Variants in MGAT4C observed in about 807,000 individuals in gnomAD.
The protein encoded by MGAT4C is MGAT4 family member C.
In MGAT4C, 19 loss-of-function variants were observed where a neutral mutation model predicts 40.1. The observed-to-expected ratio is 0.47, with a 90% CI of 0.33 to 0.70. The LOEUF is 0.70. MGAT4C is among the 30% of genes least tolerant of loss of function. MGAT4C has a pLI of 0.02. For synonymous variants in MGAT4C, 181 were observed against 187.1 expected (o/e 0.97, Z 0.27); for missense variants, 491 against 563.2 (o/e 0.87, Z 1.30).
At chr12:86,425,859 CTGAT>C (rs1362231003) in intron 3 of MGAT4C, among the ~76,000 whole-genome samples, 3 of 152,060 alleles carry the variant, frequency 2.0e-5, no homozygotes, top group African/African-American at 7.2e-5. Context: ...AAGACTCATT[CTGAT>C]TATTTCTTCT....
chr12:86,778,150 C>A (rs11104083), intron 1 of MGAT4C, among the ~76,000 whole-genome samples: 1 of 151,974 alleles, frequency 6.6e-6, no homozygotes, highest in Non-Finnish European at 1.5e-5. Context: ...ATAATACTCT[C>A]GTAAGCAAGA....
rs1372573403 is a variant in MGAT4C, at chr12:85,963,778, G to A, written c.*15511C>T. 3 of 151,748 alleles carry A rather than the reference G, an allele frequency of 2.0e-5. No individual in the cohort carries two copies. Among genetic ancestry groups the A allele is most frequent in the African/African-American group, 7.3e-5 (3 of 41,316 alleles). 9.4% of individuals were successfully genotyped at this position (151,748 alleles called of 1,614,324 possible). ...TAAATGGGGTGGGTGATGGGAGAGA[G>A]AAAACAAAATAATTATTTATGTTAA... On this transcript the variant is annotated 3_prime_UTR_variant, in exon 5 of 5. Transcript: ENST00000611864.
intron 2 of MGAT4C, among the ~76,000 whole-genome samples, chr12:86,044,523 C>T (rs1158595907): frequency 2.6e-5 from 4 of 152,054 alleles, no homozygotes; most frequent in Non-Finnish European, 4.4e-5. Flanking sequence ...AAGGTCCACT[C>T]GCATGTGTGC....
intron 1 of MGAT4C, among the ~76,000 whole-genome samples, chr12:86,123,255 G>T (rs1879722973): frequency 6.6e-6 from 1 of 152,122 alleles, no homozygotes; most frequent in Non-Finnish European, 1.5e-5. Flanking sequence ...AGTCAGAGAT[G>T]ATTGCAGTGT....
rs1386852195 is a variant in MGAT4C at position 86,764,569 on chromosome 12, G to T, written c.-261-37328C>A. Reference sequence around the variant, plus strand: ...AACGGGCAGACTGCCTCCTCAAGTGGGTCCCTGACCCCTGACCCCTGAGCA... The same window carrying T: ...AACGGGCAGACTGCCTCCTCAAGTGTGTCCCTGACCCCTGACCCCTGAGCA... On this transcript the variant is annotated intron_variant, in intron 1 of 7. Coordinates refer to the MGAT4C transcript ENST00000548651. Among the ~76,000 whole-genome samples the T allele has an allele frequency of 1.4e-4, 9 of 66,358 alleles. No homozygotes were observed. In the East Asian group the frequency reaches 3.6e-3, roughly 27 times the overall value. 43.5% of individuals were successfully genotyped at this position (66,358 alleles called of 152,430 possible).
chr12:86,120,216 T>TTTTA (rs3076055), intron 1 of MGAT4C, among the ~76,000 whole-genome samples: 132,258 of 150,420 alleles, frequency 0.88, 58,293 homozygotes, highest in East Asian at 1. Context: ...ATTTTATTAT[T>TTTTA]TTTATTTTAT....
chr12:86,099,769 T>A (rs1429060601), intron 1 of MGAT4C, among the ~76,000 whole-genome samples: 1 of 151,454 alleles, frequency 6.6e-6, no homozygotes. Flanking sequence ...AATCTGAAAA[T>A]TGTAGTTTCT....
At chr12:86,184,857 A>T (rs1888571404) in intron 1 of MGAT4C, among the ~76,000 whole-genome samples, 1 of 152,094 alleles carries the variant, frequency 6.6e-6, no homozygotes, top group African/African-American at 2.4e-5. Context: ...AAGTATATAT[A>T]ATCAAGCTGA....
intron 3 of MGAT4C, among the ~76,000 whole-genome samples, chr12:86,391,006 G>A (rs944534177): frequency 2.0e-5 from 3 of 152,046 alleles, no homozygotes; most frequent in South Asian, 2.1e-4. Context: ...GGACTTAAAG[G>A]GTTACAGAAT....
intron 2 of MGAT4C, among the ~76,000 whole-genome samples, chr12:86,617,652 C>A (rs2136484103): frequency 6.6e-6 from 1 of 151,138 alleles, no homozygotes; most frequent in East Asian, 2.0e-4. Context: ...CCTGCCGCTG[C>A]ACTCCAGCCT....
intron 2 of MGAT4C, among the ~76,000 whole-genome samples, chr12:86,009,909 G>A (rs367943160): frequency 6.6e-5 from 10 of 152,180 alleles, no homozygotes; most frequent in African/African-American, 2.2e-4. Flanking sequence ...TAGCTTAGAG[G>A]CTTGCTGAAT....
intron 1 of MGAT4C, among the ~76,000 whole-genome samples, chr12:86,214,311 G>T (rs1950589913): frequency 6.6e-6 from 1 of 152,070 alleles, no homozygotes; most frequent in African/African-American, 2.4e-5. Context: ...TGACAATTAG[G>T]TCACCTATGC....
rs577402559 is a variant in MGAT4C, at chr12:86,619,446, A to C, written c.-229+107763T>G. Among the ~76,000 whole-genome samples the C allele has an allele frequency of 2.0e-5, 3 of 152,196 alleles. No individual in the cohort carries two copies. In the South Asian group the frequency reaches 6.2e-4, roughly 32 times the overall value. ...CTTGACAAAATACTTGCACCTCCAC[A>C]TAATTCTGATTCTCTCCCTCTTTTC... On this transcript the variant is annotated intron_variant, in intron 2 of 7. Coordinates refer to the MGAT4C transcript ENST00000548651.
chr12:86,176,408 T>A (rs1887436608), intron 1 of MGAT4C, among the ~76,000 whole-genome samples: 1 of 152,202 alleles, frequency 6.6e-6, no homozygotes, highest in Admixed American at 6.5e-5. Context: ...AACTTTCGCA[T>A]ATGTAAGGGA....
chr12:86,353,809 C>T (rs1399493207), intron 3 of MGAT4C, among the ~76,000 whole-genome samples: 1 of 152,158 alleles, frequency 6.6e-6, no homozygotes, highest in South Asian at 2.1e-4. Flanking sequence ...CTCTCTCTCT[C>T]TCTTTCTCTT....
chr12:86,785,409 AT>A (rs1354554484), intron 1 of MGAT4C, among the ~76,000 whole-genome samples: 1 of 152,028 alleles, frequency 6.6e-6, no homozygotes, highest in Non-Finnish European at 1.5e-5. Flanking sequence ...TATTTAGTAA[AT>A]TCTTCCTGAA....
intron 1 of MGAT4C, among the ~76,000 whole-genome samples, chr12:86,068,974 A>G (rs1375918339): frequency 6.6e-6 from 1 of 152,088 alleles, no homozygotes. Flanking sequence ...TTAAAATTCG[A>G]ATTCACCACT....
At chr12:86,120,392 T>C (rs1226520097) in intron 1 of MGAT4C, among the ~76,000 whole-genome samples, 2 of 152,026 alleles carry the variant, frequency 1.3e-5, no homozygotes, top group African/African-American at 2.4e-5. Flanking sequence ...AAGAGAGTAG[T>C]GGTTCTCCCA....
At chr12:86,206,577 CTT>C (rs1950263271) in intron 1 of MGAT4C, among the ~76,000 whole-genome samples, 2 of 152,042 alleles carry the variant, frequency 1.3e-5, no homozygotes, top group South Asian at 2.1e-4. Flanking sequence ...GTCTGTCACT[CTT>C]ATTTCTTTCA....
Sources: gnomAD v4.1 joint callset for allele counts (sites outside exome capture counted in the v4.1 genomes callset) on GRCh38, gnomAD v4.1.1 for gene constraint, MANE v1.5 for transcripts, NCBI Gene and HGNC (gene_info 2026-07-23, HGNC 2026-07-21) for gene names.